Variants in RFPL2 observed in about 807,000 individuals in gnomAD.
The protein encoded by RFPL2 is ret finger protein like 2.
A neutral mutation model predicts 17.8 loss-of-function variants in RFPL2; 13 were observed. The ratio of observed to expected loss-of-function variants is 0.73; its 90% CI spans 0.47 to 1.16. RFPL2 has a LOEUF of 1.16. RFPL2 is among the 50% of genes most tolerant of loss of function. RFPL2 has a pLI of 0.00. For synonymous variants in RFPL2, 189 were observed against 180.9 expected, an observed-to-expected ratio of 1.04 and a Z score of -0.36; for missense variants, 431 against 479.3, an observed-to-expected ratio of 0.90 and a Z score of 0.94.
chr22:32,202,174 C>T (rs1923983663), intron 2 of RFPL2, among the ~76,000 whole-genome samples, 159 bp downstream of exon 2: 1 of 152,036 alleles, frequency 6.6e-6, no homozygotes, highest in Non-Finnish European at 1.5e-5. Flanking sequence ...ATCTTCTCTC[C>T]CCCCACTTTC....
intron 1 of RFPL2, chr22:32,203,175 G>A: frequency 1.2e-6 from 1 of 820,474 alleles, no homozygotes; most frequent in Non-Finnish European, 1.5e-6. Context: ...AATGGCGCTG[G>A]CAGCCTGCCC....
chr22:32,190,914 C>T lies in RFPL2; in HGVS notation c.995G>A (p.Arg332Lys), dbSNP rs370432842. ...CAATGGCTCCTCAGCAGATACGCTC[C>T]TGAATGTATAGACATGGGAACCACT... ...AESGSHVYTFRSVSAEEPLRP... is the reference protein window; with the variant it reads ...AESGSHVYTFKSVSAEEPLRP... Residue 332 changes from arginine to lysine, a missense_variant, in exon 5 of 5, where the codon AGG becomes AAG. Coordinates refer to ENST00000652607, the MANE Select transcript of RFPL2 (RefSeq NM_001394555.1). The T allele has an allele frequency of 1.2e-6, 2 of 1,602,328 alleles. No individual in the cohort carries two copies. Among genetic ancestry groups the T allele is most frequent in the African/African-American group, 1.4e-5 (1 of 73,910 alleles).
chr22:32,202,806 C>T (rs1924079231), intron 1 of RFPL2: 3 of 1,068,378 alleles, frequency 2.8e-6, no homozygotes, highest in African/African-American at 1.7e-5. Flanking sequence ...AGAAACTCAA[C>T]CCCAGCCAGC....
chr22:32,196,868 C>T (rs776946588), intron 2 of RFPL2, among the ~76,000 whole-genome samples: 7 of 152,108 alleles, frequency 4.6e-5, no homozygotes, highest in Non-Finnish European at 8.8e-5. Context: ...AGCCACAGTC[C>T]GTAAAACCCA....
intron 3 of RFPL2, among the ~76,000 whole-genome samples, chr22:32,193,909 A>C (rs115700159): frequency 6.7e-6 from 1 of 150,132 alleles, no homozygotes; most frequent in Non-Finnish European, 1.5e-5. Context: ...GCAGTAGCTC[A>C]CATCTGTAAT....
At chr22:32,191,401 T>C (rs753616332) in intron 4 of RFPL2, 49 bp from the exon 5 acceptor site, 28 of 1,554,986 alleles carry the variant, frequency 1.8e-5, no homozygotes, top group African/African-American at 1.1e-4. Context: ...AAACCAACCC[T>C]ATGCCTCTCT....
chr22:32,199,214 C>T (rs1923667376), intron 2 of RFPL2, among the ~76,000 whole-genome samples: 1 of 152,028 alleles, frequency 6.6e-6, no homozygotes, highest in African/African-American at 2.4e-5. Context: ...GAGGGGAAGG[C>T]TGTGGACATG....
Position 32,191,238 on chromosome 22 carries a change from A to T in RFPL2, c.671T>A (p.Phe224Tyr), listed in dbSNP as rs764276591. 1 of 1,613,950 alleles carries T rather than the reference A, an allele frequency of 6.2e-7. No individual in the cohort carries two copies. Among genetic ancestry groups the T allele is most frequent in the Non-Finnish European group, 8.5e-7 (1 of 1,179,864 alleles). The change falls in exon 5 of 5, where the codon TTT (phenylalanine) becomes TAT (tyrosine). Residue 224 changes from phenylalanine (F) to tyrosine (Y), a missense_variant. By Grantham distance (22) the Phe-to-Tyr change is conservative. Coordinates refer to ENST00000652607, the MANE Select transcript of RFPL2 (RefSeq NM_001394555.1). Reference protein sequence around the residue: ...RQNRQDLAERFDVSVCILGSP... With the variant: ...RQNRQDLAERYDVSVCILGSP... ...GCCCAGGATGCAAACGGACACGTCA[A>T]ATCTCTCGGCAAGGTCTTGCCGATT...
rs1381153706 is a variant in RFPL2 at position 32,193,184 on chromosome 22, C to A, written c.274G>T (p.Ala92Ser). The change falls in exon 4 of 5, where the codon GCT (alanine) becomes TCT (serine). Residue 92 changes from alanine to serine, a missense_variant. Physicochemically the swap from Ala to Ser is moderately conservative, Grantham distance 99. Coordinates refer to ENST00000652607, the MANE Select transcript of RFPL2 (RefSeq NM_001394555.1). Reference sequence around the variant, plus strand: ...CTGCTTGCTTCTTGGAAGAGTGCAGCCATGTCCACTGCCAGGGGAAAAGTA... The same window carrying A: ...CTGCTTGCTTCTTGGAAGAGTGCAGACATGTCCACTGCCAGGGGAAAAGTA... ...RGASSRRVDM[A>S]ALFQEASSCP... 2 of 1,613,934 alleles carry A rather than the reference C, an allele frequency of 1.2e-6. No individual in the cohort carries two copies. Among genetic ancestry groups the A allele is most frequent in the Admixed American group, 1.7e-5 (1 of 60,022 alleles).
At position 32,193,196 on chromosome 22, in the gene RFPL2, C is replaced by T; in HGVS notation, c.266-4G>A. Reference sequence around the variant, plus strand: ...TGGAAGAGTGCAGCCATGTCCACTGCCAGGGGAAAAGTACACAAGGTAAAA... The same window carrying T: ...TGGAAGAGTGCAGCCATGTCCACTGTCAGGGGAAAAGTACACAAGGTAAAA... On this transcript the variant is annotated splice_polypyrimidine_tract_variant and splice_region_variant and intron_variant, in intron 3 of 4. Transcript: ENST00000652607. The T allele has an allele frequency of 6.2e-7, 1 of 1,613,946 alleles. No individual in the cohort carries two copies. Among genetic ancestry groups the T allele is most frequent in the Non-Finnish European group, 8.5e-7 (1 of 1,179,860 alleles).
At chr22:32,201,249 A>G (rs1433256365) in intron 2 of RFPL2, among the ~76,000 whole-genome samples, 1 of 152,126 alleles carries the variant, frequency 6.6e-6, no homozygotes, top group Non-Finnish European at 1.5e-5. Flanking sequence ...CATATTAGCC[A>G]GGATGGTCTT....
Position 32,203,883 on chromosome 22 carries a change from T to G in RFPL2, c.-100+824A>C, listed in dbSNP as rs554671678. Among the ~76,000 whole-genome samples the G allele has an allele frequency of 3.6e-5, 5 of 137,530 alleles. No individual in the cohort carries two copies. In the East Asian group the frequency reaches 8.8e-4, roughly 24 times the overall value. The allele number at this position is 137,530 out of a possible 152,430, so 90.2% of individuals were successfully genotyped here. ...CCCAACCCTCCCCCGCCATGAGCAA[T>G]GCAACACGCACTACTGCTCCTTACA... is the stretch of plus-strand genomic sequence containing the variant. On this transcript the variant is annotated intron_variant, in intron 1 of 4. Transcript: ENST00000652607.
chr22:32,192,785 A>G lies in RFPL2; in HGVS notation c.556+117T>C, dbSNP rs532643121. The G allele has an allele frequency of 6.6e-6, 9 of 1,365,310 alleles. No individual in the cohort carries two copies. In the Middle Eastern group the frequency reaches 5.6e-4, roughly 86 times the overall value. The allele number at this position is 1,365,310 out of a possible 1,614,324, so 84.6% of individuals were successfully genotyped here. ...AGGGCTGAGAATCTGATGATGAAGCATCTCAATTTTAGGTGCCAGACAGCA... is the reference window on the plus strand; with the variant it reads ...AGGGCTGAGAATCTGATGATGAAGCGTCTCAATTTTAGGTGCCAGACAGCA... On this transcript the variant is annotated intron_variant, in intron 4 of 4. Coordinates refer to ENST00000652607, the MANE Select transcript of RFPL2 (RefSeq NM_001394555.1).
chr22:32,195,786 C>A (rs555297539), intron 2 of RFPL2, among the ~76,000 whole-genome samples: 1 of 152,124 alleles, frequency 6.6e-6, no homozygotes, highest in East Asian at 1.9e-4. Context: ...GTGATGGGAG[C>A]CTTCAGAATC....
At chr22:32,202,049 G>A (rs1019706402) in intron 2 of RFPL2, among the ~76,000 whole-genome samples, 75 of 152,196 alleles carry the variant, frequency 4.9e-4, no homozygotes, top group African/African-American at 1.8e-3. Context: ...CCTTCCGGGG[G>A]CTCTGAGACA....
intron 1 of RFPL2, among the ~76,000 whole-genome samples, chr22:32,204,254 GT>G (rs1161548190): frequency 6.6e-6 from 1 of 151,040 alleles, no homozygotes; most frequent in Non-Finnish European, 1.5e-5. Context: ...CAGCCAACAA[GT>G]TCCCTGCCAT....
intron 1 of RFPL2, 32 bp from the exon 2 acceptor site, chr22:32,202,582 G>A (rs1447509503): frequency 6.9e-6 from 10 of 1,452,406 alleles, no homozygotes; most frequent in African/African-American, 4.3e-5. Flanking sequence ...TAACATTAGA[G>A]CGCACCTTGT....
Position 32,190,847 on chromosome 22 carries a change from T to G in RFPL2, c.1062A>C (p.Gln354His), listed in dbSNP as rs753396096. 1.3e-6 allele frequency: 2 copies of G among 1,574,712 alleles called. No individual in the cohort carries two copies. The highest frequency in any genetic ancestry group is 1.4e-5 in the African/African-American group (1 of 72,370). Residue 354 changes from glutamine to histidine, a missense_variant, in exon 5 of 5, where the codon CAA (glutamine) becomes CAC (histidine). By Grantham distance (24) the Gln-to-His change is conservative. Coordinates refer to ENST00000652607, the MANE Select transcript of RFPL2 (RefSeq NM_001394555.1). Reference sequence around the variant, plus strand: ...TCAAAGGACAGATGCTCAAGACACCTTGATCACCATTAGGTGGAACTGAAG... The same window carrying G: ...TCAAAGGACAGATGCTCAAGACACCGTGATCACCATTAGGTGGAACTGAAG... The part of the protein sequence containing the change: ...LAPSVPPNGD[Q>H]GVLSICPLMN...
At chr22:32,196,960 T>A (rs1452181257) in intron 2 of RFPL2, among the ~76,000 whole-genome samples, 1 of 152,244 alleles carries the variant, frequency 6.6e-6, no homozygotes, top group Non-Finnish European at 1.5e-5. Flanking sequence ...TGGTTTGAGA[T>A]GTTCCATATT....
Sources: allele counts gnomAD v4.1 joint callset (sites outside exome capture counted in the v4.1 genomes callset), GRCh38; gene constraint gnomAD v4.1.1; transcripts MANE v1.5; gene names NCBI Gene and HGNC (gene_info 2026-07-23, HGNC 2026-07-21).